NRXN1: variants seen among roughly 807,000 people sequenced by gnomAD.
NRXN1 encodes the protein neurexin 1.
NRXN1 carries 39 observed loss-of-function variants against 150.9 expected under a neutral mutation model. The ratio of observed to expected loss-of-function variants is 0.26; its 90% CI spans 0.20 to 0.34. The LOEUF (loss-of-function observed/expected upper bound fraction) is 0.34, where lower values mean the gene tolerates loss of function less well. NRXN1 is among the 10% of genes least tolerant of loss of function. NRXN1 has a pLI of 1.00. For synonymous variants in NRXN1, 924 were observed against 757.0 expected, an observed-to-expected ratio of 1.22 and a Z score of -3.62; for missense variants, 1,815 against 1,949.9, an observed-to-expected ratio of 0.93 and a Z score of 1.30.
intron 21 of NRXN1, among the ~76,000 whole-genome samples, chr2:50,042,655 T>G (rs2152592069): frequency 6.6e-6 from 1 of 150,766 alleles, no homozygotes; most frequent in South Asian, 2.1e-4. Context: ...AAGTGTCCTT[T>G]TTGTATCAAA....
chr2:50,916,514 T>C (rs1310779912), intron 5 of NRXN1, among the ~76,000 whole-genome samples: 3 of 151,580 alleles, frequency 2.0e-5, no homozygotes, highest in Non-Finnish European at 4.4e-5. Flanking sequence ...TGCAAATGTA[T>C]AAATAACATA....
chr2:50,876,134 C>T (rs1678557472), intron 5 of NRXN1, among the ~76,000 whole-genome samples: 1 of 151,780 alleles, frequency 6.6e-6, no homozygotes, highest in Non-Finnish European at 1.5e-5. Flanking sequence ...AGGCATGATC[C>T]CAAGTAAAGA....
chr2:50,699,457 C>G (rs1219154248), intron 5 of NRXN1, among the ~76,000 whole-genome samples: 1 of 151,970 alleles, frequency 6.6e-6, no homozygotes, highest in Non-Finnish European at 1.5e-5. Context: ...TTGTTTGGAG[C>G]AGGAGAGAAG....
intron 5 of NRXN1, among the ~76,000 whole-genome samples, chr2:50,891,040 G>A (rs894277237): frequency 9.2e-5 from 14 of 151,844 alleles, no homozygotes; most frequent in Non-Finnish European, 1.6e-4. Context: ...TTACTACTTA[G>A]GGGCTTAGAT....
At chr2:51,007,607 TGATTG>T (rs1236333661) in intron 2 of NRXN1, among the ~76,000 whole-genome samples, 2 of 151,914 alleles carry the variant, frequency 1.3e-5, no homozygotes, top group Non-Finnish European at 2.9e-5. Flanking sequence ...GAGAAATTAT[TGATTG>T]GATAGTTTTT....
At chr2:50,136,702 C>T (rs1706463173) in intron 18 of NRXN1, among the ~76,000 whole-genome samples, 1 of 152,156 alleles carries the variant, frequency 6.6e-6, no homozygotes, top group South Asian at 2.1e-4. Context: ...CCATGAAATC[C>T]TATGTGCAAA....
intron 12 of NRXN1, among the ~76,000 whole-genome samples, chr2:50,516,772 G>A (rs991271063): frequency 4.0e-5 from 6 of 151,178 alleles, no homozygotes; most frequent in Non-Finnish European, 8.8e-5. Flanking sequence ...TTTTTAATAA[G>A]CAAAGAGATA....
intron 5 of NRXN1, among the ~76,000 whole-genome samples, chr2:50,865,658 GTTTTTTTTT>G (rs71404978): frequency 7.2e-5 from 3 of 41,832 alleles, no homozygotes; most frequent in African/African-American, 2.3e-4. Context: ...GCATTTGAAA[GTTTTTTTTT>G]TTTTTTTTTT....
intron 18 of NRXN1, among the ~76,000 whole-genome samples, chr2:50,155,771 G>C (rs1056249636): frequency 6.6e-6 from 1 of 151,496 alleles, no homozygotes; most frequent in African/African-American, 2.4e-5. Context: ...CATAAAATAA[G>C]TATGGTGTAT....
At chr2:50,105,262 T>C (rs9309176) in intron 18 of NRXN1, 91,989 of 151,876 alleles carry the variant, frequency 0.61, 28,820 homozygotes, top group African/African-American at 0.74. Flanking sequence ...AGCATTAAAT[T>C]AGTCCAGTTG....
intron 5 of NRXN1, chr2:50,656,461 A>T (rs1686480499): frequency 1.3e-6 from 1 of 748,486 alleles, no homozygotes; most frequent in South Asian, 1.4e-5. Flanking sequence ...GATTCTTTTC[A>T]GTTTTTGCTC....
chr2:50,470,520 A>AG (rs1189550706), intron 16 of NRXN1, among the ~76,000 whole-genome samples: 1 of 151,894 alleles, frequency 6.6e-6, no homozygotes, highest in African/African-American at 2.4e-5. Flanking sequence ...GAGGAAAAAA[A>AG]TGTATTTTCA....
intron 17 of NRXN1, among the ~76,000 whole-genome samples, chr2:50,318,279 C>A (rs1443122652): frequency 6.6e-6 from 1 of 152,056 alleles, no homozygotes; most frequent in African/African-American, 2.4e-5. Flanking sequence ...TGTACAATCA[C>A]CGCACTGGCA....
intron 19 of NRXN1, among the ~76,000 whole-genome samples, chr2:50,089,725 G>T (rs995817020): frequency 5.3e-5 from 8 of 151,668 alleles, no homozygotes; most frequent in African/African-American, 1.9e-4. Flanking sequence ...AGGAGTTTGA[G>T]GTTACAGTGA....
chr2:50,738,658 AC>A (rs979016612), intron 5 of NRXN1, among the ~76,000 whole-genome samples: 33 of 152,246 alleles, frequency 2.2e-4, no homozygotes, highest in African/African-American at 7.5e-4. Flanking sequence ...ATCCGATAAA[AC>A]CTTTAAATTT....
At chr2:50,357,011 T>C (rs1276055314) in intron 17 of NRXN1, among the ~76,000 whole-genome samples, 1 of 151,996 alleles carries the variant, frequency 6.6e-6, no homozygotes, top group Non-Finnish European at 1.5e-5. Context: ...GGCCAGGTGC[T>C]CAGGCCTGAA....
chr2:50,503,313 A>C (rs2092048993), intron 13 of NRXN1, among the ~76,000 whole-genome samples: 2 of 151,536 alleles, frequency 1.3e-5, no homozygotes, highest in African/African-American at 2.4e-5. Flanking sequence ...ATCTCAAAAA[A>C]ACAAAAAAAA....
rs142240047 is a variant in NRXN1, at chr2:50,077,462, G to A, written c.3718+13861C>T. Among the ~76,000 whole-genome samples the A allele has an allele frequency of 1.9e-4, 29 of 152,110 alleles. No homozygotes were observed. In the East Asian group the frequency reaches 5.2e-3, roughly 27 times the overall value. Reference sequence around the variant, plus strand: ...ATTCTGCCTTTCTTTTTTTACTAAAGCAAATCTTTTCATTTAAAAAAGCTT... The same window carrying A: ...ATTCTGCCTTTCTTTTTTTACTAAAACAAATCTTTTCATTTAAAAAAGCTT... On this transcript the variant is annotated intron_variant, in intron 19 of 22. Coordinates refer to ENST00000401669, the MANE Select transcript of NRXN1 (RefSeq NM_001330078.2).
At chr2:50,817,928 G>A (rs1243425059) in intron 5 of NRXN1, among the ~76,000 whole-genome samples, 2 of 151,832 alleles carry the variant, frequency 1.3e-5, no homozygotes, top group Non-Finnish European at 2.9e-5. Flanking sequence ...GCTCTTCCTG[G>A]ATAATCAGGA....
Sources: allele counts gnomAD v4.1 joint callset (sites outside exome capture counted in the v4.1 genomes callset), GRCh38; gene constraint gnomAD v4.1.1; transcripts MANE v1.5; gene names NCBI Gene and HGNC (gene_info 2026-07-23, HGNC 2026-07-21).